Variants in CDH12 observed in about 807,000 individuals in gnomAD.
CDH12 encodes the protein cadherin 12, also known as cadherin-12.
Under a neutral mutation model 74.1 loss-of-function variants are expected in CDH12, and 41 were observed. The observed-to-expected ratio is 0.55, with a 90% CI of 0.43 to 0.72. The LOEUF (loss-of-function observed/expected upper bound fraction) is 0.72. Among genes scored for constraint, CDH12 ranks in the 30% least tolerant of loss-of-function variants. The pLI is 0.00. For synonymous variants in CDH12, 399 were observed against 355.0 expected (o/e 1.12, Z -1.39); for missense variants, 945 against 977.2 (o/e 0.97, Z 0.44).
At chr5:22,183,724 C>T (rs2150339750) in intron 4 of CDH12, among the ~76,000 whole-genome samples, 1 of 152,258 alleles carries the variant, frequency 6.6e-6, no homozygotes, top group East Asian at 1.9e-4. Context: ...CAATCTCACT[C>T]ATACCCACAG....
intron 3 of CDH12, among the ~76,000 whole-genome samples, chr5:22,298,849 A>G (rs768205502): frequency 6.6e-6 from 1 of 152,208 alleles, no homozygotes; most frequent in African/African-American, 2.4e-5. Context: ...CGGCATATCA[A>G]CAAAGAAGTA....
At chr5:22,335,188 G>C (rs1739519429) in intron 3 of CDH12, among the ~76,000 whole-genome samples, 1 of 152,148 alleles carries the variant, frequency 6.6e-6, no homozygotes, top group African/African-American at 2.4e-5. Context: ...TGGGTGATTT[G>C]GTTTGGCTAT....
chr5:21,920,375 TA>T (rs1288385507), intron 6 of CDH12, among the ~76,000 whole-genome samples: 5 of 152,114 alleles, frequency 3.3e-5, no homozygotes, highest in African/African-American at 7.2e-5. Context: ...CAGATGAATG[TA>T]AGTTACTTTG....
chr5:22,405,101 T>C (rs767605983), intron 3 of CDH12, among the ~76,000 whole-genome samples, 156 bp downstream of exon 3: 1 of 151,800 alleles, frequency 6.6e-6, no homozygotes, highest in East Asian at 1.9e-4. Flanking sequence ...TCCCAGCTAC[T>C]CGGGAGACTG....
intron 6 of CDH12, among the ~76,000 whole-genome samples, chr5:21,881,300 T>C (rs1027046052): frequency 1.3e-5 from 2 of 152,220 alleles, no homozygotes; most frequent in Non-Finnish European, 2.9e-5. Flanking sequence ...TCAAACATTG[T>C]GCAAAACATT....
chr5:22,516,098 C>T (rs1323299897), intron 1 of CDH12, among the ~76,000 whole-genome samples: 1 of 152,086 alleles, frequency 6.6e-6, no homozygotes, highest in East Asian at 1.9e-4. Context: ...AAGCAATGCA[C>T]TATGTCGTAA....
intron 1 of CDH12, among the ~76,000 whole-genome samples, chr5:22,816,011 C>A (rs946769518): frequency 3.3e-5 from 5 of 151,922 alleles, no homozygotes; most frequent in Non-Finnish European, 7.4e-5. Flanking sequence ...GAGCTTAGGG[C>A]AGAAAGGGCA....
intron 2 of CDH12, among the ~76,000 whole-genome samples, chr5:22,471,747 C>T (rs187767128): frequency 1.6e-4 from 25 of 152,314 alleles, no homozygotes; most frequent in African/African-American, 4.8e-4. Flanking sequence ...CACCATATGA[C>T]ACAAATCAGT....
At chr5:22,479,622 T>G (rs1487525605) in intron 2 of CDH12, among the ~76,000 whole-genome samples, 2 of 152,242 alleles carry the variant, frequency 1.3e-5, no homozygotes. Context: ...TTTATTGGAC[T>G]AATCGTAAAC....
At chr5:22,326,827 C>T (rs1739128818) in intron 3 of CDH12, among the ~76,000 whole-genome samples, 1 of 152,078 alleles carries the variant, frequency 6.6e-6, no homozygotes, top group Admixed American at 6.5e-5. Flanking sequence ...TTCAAAATAT[C>T]CAAAAGGCAG....
At chr5:22,577,316 C>T (rs9283770) in intron 1 of CDH12, among the ~76,000 whole-genome samples, 22,319 of 152,124 alleles carry the variant, frequency 0.15, 2,263 homozygotes, top group East Asian at 0.37. Flanking sequence ...AATTATAGAA[C>T]GGATAAGTGA....
At chr5:22,341,501 C>G (rs565366963) in intron 3 of CDH12, among the ~76,000 whole-genome samples, 4 of 152,080 alleles carry the variant, frequency 2.6e-5, no homozygotes, top group Admixed American at 2.6e-4. Context: ...CAAGAAACAT[C>G]ATGATTTTGA....
chr5:21,966,532 T>C (rs1338488815), intron 6 of CDH12, among the ~76,000 whole-genome samples: 1 of 152,158 alleles, frequency 6.6e-6, no homozygotes, highest in Non-Finnish European at 1.5e-5. Context: ...TTTTTGTCTT[T>C]TTTGCTCAAG....
At chr5:22,501,136 T>C (rs1747316289) in intron 2 of CDH12, among the ~76,000 whole-genome samples, 1 of 152,098 alleles carries the variant, frequency 6.6e-6, no homozygotes, top group Admixed American at 6.6e-5. Context: ...ATTTAAGGCA[T>C]TGAATATTTA....
intron 3 of CDH12, among the ~76,000 whole-genome samples, chr5:22,331,943 G>C (rs183592106): frequency 6.6e-6 from 1 of 152,142 alleles, no homozygotes; most frequent in East Asian, 1.9e-4. Flanking sequence ...TTGGAGACAG[G>C]CTATTTGAAA....
intron 4 of CDH12, among the ~76,000 whole-genome samples, chr5:22,102,617 G>T (rs574702393): frequency 6.6e-6 from 1 of 151,998 alleles, no homozygotes; most frequent in Admixed American, 6.6e-5. Flanking sequence ...TGCAGTCATC[G>T]CGTCACTGCA....
At chr5:21,892,291 A>G (rs1372817799) in intron 6 of CDH12, among the ~76,000 whole-genome samples, 2 of 152,158 alleles carry the variant, frequency 1.3e-5, no homozygotes, top group African/African-American at 2.4e-5. Context: ...GGCAAGGCTC[A>G]GAGTGATGTG....
intron 5 of CDH12, among the ~76,000 whole-genome samples, chr5:21,977,041 C>T (rs1757099081): frequency 6.6e-6 from 1 of 151,838 alleles, no homozygotes; most frequent in African/African-American, 2.4e-5. Flanking sequence ...TTAAGGTAAA[C>T]TTATTCATTT....
rs374802532 is a variant in CDH12, at chr5:22,179,325, GA to G, written c.-187+33172del. On this transcript the variant is annotated intron_variant, in intron 4 of 14. Transcript: ENST00000382254. Reference sequence around the variant, plus strand: ...AAATATGGGTTTATGACATACTATAGAGTATTCTTTGGAGGCAGGTTAATTG... The same window carrying G: ...AAATATGGGTTTATGACATACTATAGGTATTCTTTGGAGGCAGGTTAATTG... 6.4e-3 allele frequency among the ~76,000 whole-genome samples: 976 copies of G among 152,202 alleles called. 8 individuals are homozygous for G. Among genetic ancestry groups the G allele is most frequent in the African/African-American group, 0.022 (899 of 41,550 alleles).
Sources: allele counts gnomAD v4.1 joint callset (sites outside exome capture counted in the v4.1 genomes callset), GRCh38; gene constraint gnomAD v4.1.1; transcripts MANE v1.5; gene names NCBI Gene and HGNC (gene_info 2026-07-23, HGNC 2026-07-21).